Variants in ZNF18 observed in about 807,000 individuals in gnomAD.
ZNF18 encodes heart development-specific gene 1 protein.
In ZNF18, 42 loss-of-function variants were observed where a neutral mutation model predicts 58.1. The observed-to-expected ratio is 0.72, with a 90% confidence interval of 0.56 to 0.93. ZNF18 has a LOEUF of 0.93. Ranked by LOEUF, ZNF18 falls within the 40% of genes least tolerant of loss-of-function variation. ZNF18 has a pLI of 0.00. For synonymous variants in ZNF18, 231 were observed against 239.8 expected, an observed-to-expected ratio of 0.96 and a Z score of 0.34; for missense variants, 540 against 644.2, an observed-to-expected ratio of 0.84 and a Z score of 1.75.
At chr17:11,994,315 T>C (rs1256935518) in intron 1 of ZNF18, among the ~76,000 whole-genome samples, 1 of 152,132 alleles carries the variant, frequency 6.6e-6, no homozygotes, top group African/African-American at 2.4e-5. Flanking sequence ...CAATTTTTTT[T>C]CAAGGGCCTG....
At chr17:11,978,837 TTTC>T in intron 6 of ZNF18, 93 bp from the exon 7 acceptor site, 15 of 587,850 alleles carry the variant, frequency 2.6e-5, no homozygotes, top group Admixed American at 8.3e-5. Context: ...AAACATTCAT[TTTC>T]TTTTTTTTTT....
chr17:11,982,475 G>A (rs1000044359), intron 6 of ZNF18, among the ~76,000 whole-genome samples: 1 of 152,060 alleles, frequency 6.6e-6, no homozygotes, highest in Non-Finnish European at 1.5e-5. Context: ...GAAATGGCCT[G>A]ATAAATACGT....
At position 11,977,759 on chromosome 17, in the gene ZNF18, CAAG is replaced by C; in HGVS notation, c.*195_*197del. ...ACTATTCTTTCTCCTGAGGCAGAAT[CAAG>C]AATTTAAGCCATTGTGCAATCCAAT... On this transcript the variant is annotated 3_prime_UTR_variant, in exon 7 of 7. Transcript: ENST00000580306. 1.8e-6 allele frequency: 1 copy of C among 558,010 alleles called. No homozygotes were observed. Among genetic ancestry groups the C allele is most frequent in the Non-Finnish European group, 3.0e-6 (1 of 335,830 alleles). 34.6% of individuals were successfully genotyped at this position (558,010 alleles called of 1,614,324 possible).
chr17:11,990,212 G>A (rs1968012533), intron 4 of ZNF18, among the ~76,000 whole-genome samples: 1 of 151,960 alleles, frequency 6.6e-6, no homozygotes, highest in Non-Finnish European at 1.5e-5. Context: ...TTTAAAAAAT[G>A]AGAATACACT....
chr17:12,020,932 A>G, the ZNF18 span: 2 of 1,143,934 alleles, frequency 1.7e-6, no homozygotes, highest in Non-Finnish European at 2.1e-6. Flanking sequence ...CGGGGGCGGC[A>G]GCGGCAGCGG....
the ZNF18 span, among the ~76,000 whole-genome samples, chr17:12,011,651 T>C: frequency 6.6e-6 from 1 of 150,950 alleles, no homozygotes; most frequent in Non-Finnish European, 1.5e-5. Context: ...CCCAACATGC[T>C]AGGATTACAG....
At chr17:12,004,943 T>C in the ZNF18 span, among the ~76,000 whole-genome samples, 1 of 150,810 alleles carries the variant, frequency 6.6e-6, no homozygotes, top group Non-Finnish European at 1.5e-5. Context: ...ATCACTATAC[T>C]GAATGGCACC....
chr17:12,015,008 G>A, the ZNF18 span, among the ~76,000 whole-genome samples: 1 of 151,874 alleles, frequency 6.6e-6, no homozygotes, highest in African/African-American at 2.4e-5. Context: ...AGATCAAGCC[G>A]CTGCACTCCA....
At chr17:11,995,199 A>C (rs1326479703) in intron 1 of ZNF18, among the ~76,000 whole-genome samples, 1 of 152,140 alleles carries the variant, frequency 6.6e-6, no homozygotes, top group African/African-American at 2.4e-5. Context: ...ATTTGAGGTC[A>C]GGAGTTCAAG....
the ZNF18 span, among the ~76,000 whole-genome samples, chr17:12,012,154 C>A: frequency 2.6e-5 from 4 of 152,180 alleles, no homozygotes; most frequent in African/African-American, 9.7e-5. Flanking sequence ...TCATTATTTT[C>A]AGTATCTTTC....
the ZNF18 span, among the ~76,000 whole-genome samples, chr17:12,007,555 A>C: frequency 5.9e-5 from 9 of 152,124 alleles, no homozygotes; most frequent in Non-Finnish European, 1.3e-4. Flanking sequence ...GGCCCTGCTG[A>C]CTTTGGGCAG....
chr17:11,988,399 C>G (rs1967888055), intron 4 of ZNF18, among the ~76,000 whole-genome samples: 1 of 152,150 alleles, frequency 6.6e-6, no homozygotes, highest in Admixed American at 6.5e-5. Flanking sequence ...CTGAGTTGAG[C>G]AGAAGGAGCT....
intron 2 of ZNF18, among the ~76,000 whole-genome samples, chr17:11,992,085 G>A (rs1465126426): frequency 1.3e-5 from 2 of 152,212 alleles, no homozygotes; most frequent in Non-Finnish European, 2.9e-5. Context: ...GTAACAGGAA[G>A]TAAAATCCTT....
At chr17:11,986,773 A>G (rs1232101274) in intron 4 of ZNF18, among the ~76,000 whole-genome samples, 1 of 152,180 alleles carries the variant, frequency 6.6e-6, no homozygotes, top group Non-Finnish European at 1.5e-5. Flanking sequence ...AAGCACAGTA[A>G]TATCTGCCTG....
chr17:11,981,530 CTTTTTTTT>C lies in ZNF18; in HGVS notation c.862+1759_862+1766del, dbSNP rs34496641. On this transcript the variant is annotated intron_variant, in intron 6 of 6. Coordinates refer to ENST00000580306, the MANE Select transcript of ZNF18 (RefSeq NM_001303281.2). ...TTGTAGAGACAGGAACCTATAATAG[CTTTTTTTT>C]TTTTTTTTTTTGCCTATCAAGGCAG... 3.2e-5 allele frequency among the ~76,000 whole-genome samples: 3 copies of C among 93,502 alleles called. No individual in the cohort carries two copies. The Admixed American group carries it at 3.7e-4, about 11-fold the overall frequency. 61.3% of individuals were successfully genotyped at this position (93,502 alleles called of 152,430 possible).
intron 6 of ZNF18, 96 bp from the exon 7 acceptor site, chr17:11,978,840 CTTTT>C (rs56969015): frequency 2.1e-3 from 254 of 120,376 alleles, no homozygotes; most frequent in South Asian, 5.8e-3. Context: ...CATTCATTTT[CTTTT>C]TTTTTTTTTT....
chr17:12,016,051 A>C, the ZNF18 span, among the ~76,000 whole-genome samples: 1 of 152,200 alleles, frequency 6.6e-6, no homozygotes, highest in Admixed American at 6.5e-5. Context: ...TTGGCCTCCC[A>C]AAGCGCTGGG....
intron 6 of ZNF18, among the ~76,000 whole-genome samples, chr17:11,979,361 A>G (rs1967196764): frequency 6.6e-6 from 1 of 152,224 alleles, no homozygotes; most frequent in Non-Finnish European, 1.5e-5. Context: ...TAATCAATGT[A>G]ATATAGAGTC....
chr17:11,979,173 C>T (rs946363664), intron 6 of ZNF18, among the ~76,000 whole-genome samples: 19 of 150,806 alleles, frequency 1.3e-4, no homozygotes, highest in Admixed American at 3.9e-4. Context: ...AGAAGAAAAC[C>T]AAATCCGCCT....
Sources: allele counts gnomAD v4.1 joint callset (sites outside exome capture counted in the v4.1 genomes callset), GRCh38; gene constraint gnomAD v4.1.1; transcripts MANE v1.5; gene names NCBI Gene and HGNC (gene_info 2026-07-23, HGNC 2026-07-21).